GATAD2A: variants seen among roughly 807,000 people sequenced by gnomAD.
GATAD2A encodes the protein transcriptional repressor p66-alpha.
GATAD2A carries 12 observed loss-of-function variants against 68.5 expected under a neutral mutation model. The ratio of observed to expected loss-of-function variants is 0.18; its 90% CI spans 0.11 to 0.28. The LOEUF is 0.28. Ranked by LOEUF, GATAD2A falls within the 10% of genes least tolerant of loss-of-function variation. The pLI is 1.00. For missense variants in GATAD2A, 755 were observed against 868.5 expected, an observed-to-expected ratio of 0.87 and a Z score of 1.64; for synonymous variants, 410 against 375.3, an observed-to-expected ratio of 1.09 and a Z score of -1.07.
rs1015252087 is a variant in GATAD2A, at chr19:19,498,331, C to T, written c.925-112C>T. ...GGTTCACTTTTGTTAAGGACGCCAT[C>T]GTCAAGGGTACTGGTTAGTGCAGTT... is the stretch of plus-strand genomic sequence containing the variant. On this transcript the variant is annotated intron_variant, in intron 7 of 11. Transcript: ENST00000683918. 35 of 944,912 alleles carry T rather than the reference C, an allele frequency of 3.7e-5. 1 individual carries two copies. In the African/African-American group the frequency reaches 4.1e-4, roughly 11 times the overall value. 58.5% of individuals were successfully genotyped at this position (944,912 alleles called of 1,614,324 possible).
intron 2 of GATAD2A, among the ~76,000 whole-genome samples, chr19:19,477,215 G>C (rs2058730625): frequency 6.6e-6 from 1 of 152,228 alleles, no homozygotes. Context: ...TGGGAGACAA[G>C]GGAGGGGACG....
intron 1 of GATAD2A, among the ~76,000 whole-genome samples, chr19:19,434,434 T>C (rs184052400): frequency 1.3e-5 from 2 of 152,316 alleles, no homozygotes; most frequent in South Asian, 2.1e-4. Context: ...TAAAGGTCTT[T>C]CCATAGAGTT....
intron 1 of GATAD2A, among the ~76,000 whole-genome samples, chr19:19,397,273 G>A (rs948022325): frequency 3.3e-5 from 5 of 151,432 alleles, no homozygotes; most frequent in Non-Finnish European, 5.9e-5. Flanking sequence ...ACGGAGTTTC[G>A]CTCTTGTTGC....
intron 1 of GATAD2A, among the ~76,000 whole-genome samples, chr19:19,449,255 A>G (rs1253042871): frequency 6.6e-6 from 1 of 152,190 alleles, no homozygotes; most frequent in African/African-American, 2.4e-5. Context: ...TTCTAGAGAC[A>G]ACTTATGCCC....
chr19:19,392,650 A>C (rs1348124745), intron 1 of GATAD2A, among the ~76,000 whole-genome samples: 1 of 150,802 alleles, frequency 6.6e-6, no homozygotes, highest in Admixed American at 6.6e-5. Flanking sequence ...TCAGCCTCCC[A>C]AAGTGCTGGG....
At chr19:19,433,223 T>C (rs1424478463) in intron 1 of GATAD2A, among the ~76,000 whole-genome samples, 2 of 152,206 alleles carry the variant, frequency 1.3e-5, no homozygotes, top group Non-Finnish European at 2.9e-5. Context: ...TTGTGCATCT[T>C]GTGTTCACGC....
At chr19:19,460,166 A>G (rs997606526) in intron 1 of GATAD2A, among the ~76,000 whole-genome samples, 5 of 152,168 alleles carry the variant, frequency 3.3e-5, no homozygotes, top group African/African-American at 1.2e-4. Flanking sequence ...TTTGACTCTT[A>G]GGAAGTGGGA....
At chr19:19,405,577 G>A (rs1418994610), upstream of GATAD2A, among the ~76,000 whole-genome samples, 3 of 151,900 alleles carry the variant, frequency 2.0e-5, no homozygotes, top group African/African-American at 4.8e-5. Context: ...GGGCGGTACC[G>A]TCCGGCCCCG....
At position 19,502,061 on chromosome 19, in the gene GATAD2A, C is replaced by T. The variant is rs1053431686; in HGVS notation, c.1578+18C>T. On this transcript the variant is annotated intron_variant, in intron 10 of 11. Coordinates refer to ENST00000683918, the MANE Select transcript of GATAD2A (RefSeq NM_001384528.1). Reference sequence around the variant, plus strand: ...TGCTACAGGTCAGAACCGCACTGGGCGCCGGGAGCCTCGCGCCCCCACCGC... The same window carrying T: ...TGCTACAGGTCAGAACCGCACTGGGTGCCGGGAGCCTCGCGCCCCCACCGC... 22 of 1,596,708 alleles carry T rather than the reference C, an allele frequency of 1.4e-5. No homozygotes were observed. The highest frequency in any genetic ancestry group is 1.5e-5 in the Non-Finnish European group (18 of 1,165,726).
chr19:19,458,467 T>C (rs1273020249), intron 1 of GATAD2A: 1 of 152,322 alleles, frequency 6.6e-6, no homozygotes, highest in Non-Finnish European at 1.5e-5. Flanking sequence ...AACTCAGCAG[T>C]GCATACCAAG....
intron 1 of GATAD2A, among the ~76,000 whole-genome samples, chr19:19,426,176 A>G (rs1428977932): frequency 6.6e-6 from 1 of 152,110 alleles, no homozygotes; most frequent in African/African-American, 2.4e-5. Context: ...GTCTAGAGTT[A>G]GATGTGATGG....
intron 1 of GATAD2A, chr19:19,440,095 G>A (rs1307441758): frequency 2.5e-6 from 1 of 392,298 alleles, no homozygotes; most frequent in South Asian, 1.8e-5. Context: ...CCTGAGTGAA[G>A]GGAGGAAGGA....
At position 19,505,368 on chromosome 19, in the gene GATAD2A, C is replaced by G; in HGVS notation, c.1799C>G (p.Pro600Arg). The change falls in exon 12 of 12, where the codon CCA becomes CGA. Residue 600 changes from proline to arginine, a missense_variant. Coordinates refer to ENST00000683918, the MANE Select transcript of GATAD2A (RefSeq NM_001384528.1). ...STGGTLAFVSPSLAVHKSSSA... is the reference protein window; with the variant it reads ...STGGTLAFVSRSLAVHKSSSA... The stretch of plus-strand genomic sequence containing the variant: ...GGCGGGACCCTTGCGTTTGTCAGCC[C>G]AAGCCTGGCGGTGCACAAGAGCTCC... 6.2e-7 allele frequency: 1 copy of G among 1,613,338 alleles called. No individual in the cohort carries two copies. Among genetic ancestry groups the G allele is most frequent in the Non-Finnish European group, 8.5e-7 (1 of 1,179,744 alleles).
At chr19:19,415,958 GT>G (rs11436420) in intron 1 of GATAD2A, among the ~76,000 whole-genome samples, 11 of 151,094 alleles carry the variant, frequency 7.3e-5, no homozygotes, top group Middle Eastern at 3.4e-3. Context: ...TCCCTGTATG[GT>G]TTTTTTTCCC....
intron 5 of GATAD2A, 33 bp downstream of exon 5, chr19:19,494,416 C>G: frequency 7.8e-7 from 1 of 1,275,052 alleles, no homozygotes; most frequent in Non-Finnish European, 1.1e-6. Flanking sequence ...ACTGGGTGCC[C>G]TGCTGGCACT....
chr19:19,444,999 C>T (rs1243283547), intron 1 of GATAD2A, among the ~76,000 whole-genome samples: 2 of 152,024 alleles, frequency 1.3e-5, no homozygotes, highest in Admixed American at 6.6e-5. Context: ...TTCCAGCCCT[C>T]TGAGGCCACT....
In GATAD2A at chr19:19,465,339, G is replaced by A; in HGVS notation, c.-6-1G>A. On this transcript the variant is annotated splice_acceptor_variant, in intron 1 of 11. Coordinates refer to ENST00000683918, the MANE Select transcript of GATAD2A (RefSeq NM_001384528.1). LOFTEE classifies it low-confidence loss of function (5UTR_SPLICE). ...TGTTGTGTCTTCTCCTCCCTCCCAA[G>A]TTCAGAATGACCGAAGAAGCATGCC... 1 of 1,613,408 alleles carries A rather than the reference G, an allele frequency of 6.2e-7. No individual in the cohort carries two copies. The highest frequency in any genetic ancestry group is 8.5e-7 in the Non-Finnish European group (1 of 1,179,336).
chr19:19,423,302 G>A (rs1321579109), intron 1 of GATAD2A, among the ~76,000 whole-genome samples: 13 of 152,334 alleles, frequency 8.5e-5, no homozygotes, highest in Admixed American at 4.6e-4. Flanking sequence ...CACCACACTT[G>A]GCCTATTTCT....
intron 1 of GATAD2A, among the ~76,000 whole-genome samples, chr19:19,429,090 C>T (rs1369209884): frequency 5.3e-5 from 8 of 151,772 alleles, no homozygotes; most frequent in Non-Finnish European, 1.2e-4. Flanking sequence ...CGTGGAGGTC[C>T]CCATTTTGTA....
Sources: allele counts gnomAD v4.1 joint callset (sites outside exome capture counted in the v4.1 genomes callset), GRCh38; gene constraint gnomAD v4.1.1; transcripts MANE v1.5; gene names NCBI Gene and HGNC (gene_info 2026-07-23, HGNC 2026-07-21).